The following GRM7 variants were observed in gnomAD, a reference collection of about 807,000 sequenced individuals.
GRM7 encodes metabotropic glutamate receptor 7.
A neutral mutation model predicts 84.5 loss-of-function variants in GRM7; 35 were observed. The ratio of observed to expected loss-of-function variants is 0.41; its 90% CI spans 0.32 to 0.55. GRM7 has a LOEUF of 0.55. Ranked by LOEUF, GRM7 falls within the 20% of genes least tolerant of loss-of-function variation. The pLI is 0.19. For missense variants in GRM7, 1,003 were observed against 1,194.6 expected, an observed-to-expected ratio of 0.84 and a Z score of 2.36; for synonymous variants, 487 against 455.1, an observed-to-expected ratio of 1.07 and a Z score of -0.89.
intron 1 of GRM7, among the ~76,000 whole-genome samples, chr3:7,053,059 TC>T (rs1427769057): frequency 6.7e-5 from 10 of 150,028 alleles, no homozygotes; most frequent in Non-Finnish European, 1.3e-4. Context: ...TGACACTTAG[TC>T]TTTTGTTTTT....
At chr3:6,951,959 G>A (rs1692790802) in intron 1 of GRM7, among the ~76,000 whole-genome samples, 1 of 151,796 alleles carries the variant, frequency 6.6e-6, no homozygotes, top group Non-Finnish European at 1.5e-5. Flanking sequence ...CTTTATCCCT[G>A]GTAGTATTTT....
chr3:7,509,498 TA>T (rs1361329988), intron 7 of GRM7, among the ~76,000 whole-genome samples: 1 of 152,194 alleles, frequency 6.6e-6, no homozygotes, highest in Non-Finnish European at 1.5e-5. Flanking sequence ...AGATGTATTG[TA>T]TGTATGTATA....
At chr3:7,571,071 C>T (rs1694632901) in intron 7 of GRM7, among the ~76,000 whole-genome samples, 1 of 152,172 alleles carries the variant, frequency 6.6e-6, no homozygotes. Context: ...CTTCACACAG[C>T]ACAGGGATCC....
At position 6,863,134 on chromosome 3, in the gene GRM7, T is replaced by C. The variant is rs184918168; in HGVS notation, c.519+1227T>C. 171 of 333,028 alleles carry C rather than the reference T, an allele frequency of 5.1e-4. No homozygotes were observed. Among genetic ancestry groups the C allele is most frequent in the African/African-American group, 3.3e-3 (149 of 44,892 alleles). 20.6% of individuals were successfully genotyped at this position (333,028 alleles called of 1,614,324 possible). A position where few individuals can be genotyped will look rare whatever the true frequency, so the allele number is the denominator to read the frequency against. ...TCTCTGTCTCCTTGCTGTTTTTTTT[T>C]TCTCTCTGTTTTTTCTCTCCTTTTC... On this transcript the variant is annotated intron_variant, in intron 1 of 9. Transcript: ENST00000357716. This position sits in a 1 kb window ranked among gnomAD's most constrained non-coding sequence, Gnocchi z 4.8.
chr3:6,927,491 A>AAG (rs1182464190), intron 1 of GRM7, among the ~76,000 whole-genome samples: 2 of 133,458 alleles, frequency 1.5e-5, no homozygotes, highest in Admixed American at 7.3e-5. Flanking sequence ...GAAAGAAAGA[A>AAG]AGAAAGAAAG....
At chr3:7,676,892 T>G (rs1486257018) in intron 8 of GRM7, among the ~76,000 whole-genome samples, 3 of 152,130 alleles carry the variant, frequency 2.0e-5, no homozygotes, top group Non-Finnish European at 2.9e-5. Context: ...ATTATGATGG[T>G]TGCACAATAA....
chr3:7,624,053 A>C (rs1209427025), intron 8 of GRM7, among the ~76,000 whole-genome samples: 7 of 152,208 alleles, frequency 4.6e-5, no homozygotes, highest in Non-Finnish European at 1.0e-4. Context: ...AATTGGCACA[A>C]GTCACTAAAA....
At chr3:7,284,805 TC>T (rs1699372791) in intron 2 of GRM7, among the ~76,000 whole-genome samples, 1 of 151,716 alleles carries the variant, frequency 6.6e-6, no homozygotes, top group Non-Finnish European at 1.5e-5. Context: ...TTATATCACC[TC>T]CCCCCTCTAT....
chr3:7,699,996 A>G (rs2125157739), intron 9 of GRM7, among the ~76,000 whole-genome samples: 1 of 152,282 alleles, frequency 6.6e-6, no homozygotes, highest in East Asian at 1.9e-4. Flanking sequence ...AAGTTATTTC[A>G]AGACTGGGTG....
intron 1 of GRM7, among the ~76,000 whole-genome samples, chr3:7,008,980 A>C (rs777679942): frequency 6.6e-6 from 1 of 152,216 alleles, no homozygotes; most frequent in Non-Finnish European, 1.5e-5. Flanking sequence ...AGATGAAATA[A>C]TGAATATAAA....
intron 7 of GRM7, among the ~76,000 whole-genome samples, chr3:7,536,324 G>A (rs545734739): frequency 1.3e-5 from 2 of 152,152 alleles, no homozygotes; most frequent in Non-Finnish European, 2.9e-5. Flanking sequence ...AGTTCACCAG[G>A]ATCTACATGA....
rs189942460 is a variant in GRM7 at position 6,990,511 on chromosome 3, T to A, written c.519+128604T>A. On this transcript the variant is annotated intron_variant, in intron 1 of 9. Transcript: ENST00000357716. Reference sequence around the variant, plus strand: ...TCAGGCATCCAGGCTTTTTAGTTATTACTATCGACATGGCTCCATGGAGGG... The same window carrying A: ...TCAGGCATCCAGGCTTTTTAGTTATAACTATCGACATGGCTCCATGGAGGG... Among the ~76,000 whole-genome samples, 90 of 152,300 alleles carry A rather than the reference T, an allele frequency of 5.9e-4. 1 individual carries two copies. Among genetic ancestry groups the A allele is most frequent in the African/African-American group, 2.0e-3 (83 of 41,560 alleles).
intron 7 of GRM7, among the ~76,000 whole-genome samples, chr3:7,553,454 G>C (rs1454404668): frequency 6.6e-6 from 1 of 152,044 alleles, no homozygotes; most frequent in East Asian, 1.9e-4. Flanking sequence ...CCCCATTCCT[G>C]GTACCAATTT....
intron 7 of GRM7, among the ~76,000 whole-genome samples, chr3:7,485,697 G>A (rs992132481): frequency 3.9e-5 from 6 of 152,302 alleles, no homozygotes; most frequent in Admixed American, 3.9e-4. Flanking sequence ...TGTGGCAGTA[G>A]CCCTTGTTTT....
chr3:7,161,555 G>A (rs1694625675), intron 2 of GRM7, among the ~76,000 whole-genome samples: 1 of 152,020 alleles, frequency 6.6e-6, no homozygotes, highest in South Asian at 2.1e-4. Context: ...GATACCTAAT[G>A]CATGCAAATG....
chr3:6,867,403 G>A (rs902304165), intron 1 of GRM7, among the ~76,000 whole-genome samples: 2 of 152,118 alleles, frequency 1.3e-5, no homozygotes, highest in Middle Eastern at 3.4e-3. Context: ...TCCCTATCTC[G>A]ATGCAGTTGA....
chr3:7,124,568 A>G (rs1387767850), intron 1 of GRM7, among the ~76,000 whole-genome samples: 1 of 152,222 alleles, frequency 6.6e-6, no homozygotes, highest in African/African-American at 2.4e-5. Flanking sequence ...AACCCAGAAT[A>G]TAAAGTTTCC....
chr3:7,373,072 G>A lies in GRM7; in HGVS notation c.1034-41951G>A, dbSNP rs149395397. On this transcript the variant is annotated intron_variant, in intron 4 of 9. Coordinates refer to ENST00000357716, the MANE Select transcript of GRM7 (RefSeq NM_000844.4). ...GATCCACTTATTGAAAAATTTGAAG[G>A]CACTCAAACTGTTTTATTCTCTTTC... Among the ~76,000 whole-genome samples the A allele has an allele frequency of 3.6e-3, 547 of 152,124 alleles. 3 individuals carry two copies. The highest frequency in any genetic ancestry group is 0.012 in the African/African-American group (517 of 41,510).
intron 5 of GRM7, among the ~76,000 whole-genome samples, chr3:7,440,522 G>A (rs971802866): frequency 3.3e-5 from 5 of 152,122 alleles, no homozygotes; most frequent in Non-Finnish European, 7.4e-5. Flanking sequence ...TTTGAGTTTA[G>A]TTTCAAGAGT....
Sources: allele counts gnomAD v4.1 joint callset (sites outside exome capture counted in the v4.1 genomes callset), GRCh38; gene constraint gnomAD v4.1.1; non-coding constraint Gnocchi (gnomAD v3.1); transcripts MANE v1.5; gene names NCBI Gene and HGNC (gene_info 2026-07-23, HGNC 2026-07-21).